LIPC: variants seen among roughly 807,000 people sequenced by gnomAD.
The protein encoded by LIPC is lipase C, hepatic type, also known as hepatic triacylglycerol lipase.
Under a neutral mutation model 50.7 loss-of-function variants are expected in LIPC, and 44 were observed. The ratio of observed to expected loss-of-function variants is 0.87; its 90% CI spans 0.68 to 1.11. The LOEUF (loss-of-function observed/expected upper bound fraction) is 1.11. LIPC is among the 50% of genes most tolerant of loss of function. The pLI, the probability that LIPC is intolerant of heterozygous loss-of-function variation, is 0.00. For missense variants in LIPC, 697 were observed against 648.2 expected (o/e 1.08, Z -0.82); for synonymous variants, 271 against 256.4 (o/e 1.06, Z -0.54).
chr15:58,513,755 T>C (rs1269430128), intron 1 of LIPC, among the ~76,000 whole-genome samples: 1 of 152,208 alleles, frequency 6.6e-6, no homozygotes, highest in East Asian at 1.9e-4. Context: ...CTGAGAATTC[T>C]GGAGAAACCC....
At chr15:58,453,686 A>G (rs1308508950) in intron 1 of LIPC, among the ~76,000 whole-genome samples, 1 of 151,294 alleles carries the variant, frequency 6.6e-6, no homozygotes, top group Non-Finnish European at 1.5e-5. Flanking sequence ...GGATTGCTTG[A>G]CCCCATGAGG....
chr15:58,542,148 T>G (rs1397368625), intron 3 of LIPC, among the ~76,000 whole-genome samples, 181 bp downstream of exon 3: 4 of 152,132 alleles, frequency 2.6e-5, no homozygotes, highest in East Asian at 1.9e-4. Context: ...ACGCCTCCCT[T>G]GAACCCCTGT....
intron 1 of LIPC, among the ~76,000 whole-genome samples, chr15:58,511,481 AT>A (rs1249108890): frequency 6.6e-6 from 1 of 152,230 alleles, no homozygotes; most frequent in African/African-American, 2.4e-5. Flanking sequence ...CTGCAGGAAC[AT>A]GAATGATAAA....
At chr15:58,497,224 A>AT (rs1891804568) in intron 1 of LIPC, among the ~76,000 whole-genome samples, 1 of 151,930 alleles carries the variant, frequency 6.6e-6, no homozygotes, top group African/African-American at 2.4e-5. Flanking sequence ...TTCATGCTTC[A>AT]CCCCCGACCG....
At chr15:58,490,216 A>G (rs1891537993) in intron 1 of LIPC, among the ~76,000 whole-genome samples, 1 of 152,194 alleles carries the variant, frequency 6.6e-6, no homozygotes, top group Non-Finnish European at 1.5e-5. Context: ...GGTCGGGAAG[A>G]TGGCAGGCAC....
At chr15:58,456,705 T>C (rs557126385) in intron 1 of LIPC, among the ~76,000 whole-genome samples, 1 of 152,378 alleles carries the variant, frequency 6.6e-6, no homozygotes, top group East Asian at 1.9e-4. Context: ...GGTAGATGTC[T>C]GGTCTCTCTT....
chr15:58,529,703 G>A (rs1002282015), intron 1 of LIPC, among the ~76,000 whole-genome samples: 8 of 152,156 alleles, frequency 5.3e-5, no homozygotes, highest in Non-Finnish European at 1.0e-4. Context: ...GAAGAGGGTC[G>A]GAACCTCTGT....
Position 58,560,990 on chromosome 15 carries a change from G to GGGGCTACACCTCCTACTC in LIPC, c.1169+9_1169+10insGGGCTACACCTCCTACTC. 1 of 1,193,280 alleles carries GGGGCTACACCTCCTACTC rather than the reference G, an allele frequency of 8.4e-7. No individual in the cohort carries two copies. The highest frequency in any genetic ancestry group is 1.2e-6 in the Non-Finnish European group (1 of 810,186). 73.9% of individuals were successfully genotyped at this position (1,193,280 alleles called of 1,614,324 possible). ...AAAATTCCCATCACTCTGTGAGTAG[G>GGGGCTACACCTCCTACTC]AGGTGTAGCCCCCTAGGGTGATGAC... is the stretch of plus-strand genomic sequence containing the variant. On this transcript the variant is annotated intron_variant, in intron 7 of 8. Transcript: ENST00000299022.
At chr15:58,488,265 CAATA>C (rs1403469158) in intron 1 of LIPC, among the ~76,000 whole-genome samples, 5 of 152,234 alleles carry the variant, frequency 3.3e-5, no homozygotes, top group South Asian at 4.1e-4. Context: ...GACTCCATCT[CAATA>C]AATAAAGTTA....
At chr15:58,474,312 G>A (rs71478668) in intron 1 of LIPC, among the ~76,000 whole-genome samples, 17,283 of 152,148 alleles carry the variant, frequency 0.11, 1,185 homozygotes, top group Non-Finnish European at 0.17. Context: ...GAGCCCAGAA[G>A]TTTGAGACCA....
At chr15:58,455,970 A>C (rs34225834) in intron 1 of LIPC, among the ~76,000 whole-genome samples, 17,528 of 152,172 alleles carry the variant, frequency 0.12, 1,231 homozygotes, top group Non-Finnish European at 0.17. Context: ...GGCATGGTCC[A>C]GACCCCAAGG....
chr15:58,489,222 GC>G (rs199866655), intron 1 of LIPC, among the ~76,000 whole-genome samples: 1,879 of 93,030 alleles, frequency 0.02, 523 homozygotes, highest in Non-Finnish European at 0.031. Context: ...TGTTGCGGGG[GC>G]GGGGGGGCGG....
intron 1 of LIPC, chr15:58,522,032 G>C (rs1321444111): frequency 2.6e-5 from 4 of 152,188 alleles, no homozygotes; most frequent in African/African-American, 9.7e-5. Flanking sequence ...GGGGCAGGTA[G>C]AGTTGGTGCT....
intron 1 of LIPC, among the ~76,000 whole-genome samples, chr15:58,484,408 G>C: frequency 6.6e-6 from 1 of 152,066 alleles, no homozygotes; most frequent in East Asian, 1.9e-4. Context: ...CATCATGGAG[G>C]GTGTATCCAG....
chr15:58,553,951 G>T (rs1893845487), intron 6 of LIPC, among the ~76,000 whole-genome samples: 1 of 151,508 alleles, frequency 6.6e-6, no homozygotes, highest in South Asian at 2.1e-4. Flanking sequence ...AAACACAAGA[G>T]GTCTCATTCC....
chr15:58,553,916 G>A (rs1246760231), intron 6 of LIPC, among the ~76,000 whole-genome samples: 2 of 151,856 alleles, frequency 1.3e-5, no homozygotes, highest in Admixed American at 6.6e-5. Context: ...TTCGGGTCTA[G>A]GAACAAGCCC....
chr15:58,486,950 G>A (rs1348148830), intron 1 of LIPC, among the ~76,000 whole-genome samples: 3 of 152,200 alleles, frequency 2.0e-5, no homozygotes, highest in Admixed American at 6.5e-5. Context: ...CACCTGGTGA[G>A]CACGGGCCCA....
At chr15:58,544,120 C>G (rs1355062877) in intron 4 of LIPC, among the ~76,000 whole-genome samples, 7 of 152,138 alleles carry the variant, frequency 4.6e-5, no homozygotes, top group African/African-American at 1.7e-4. Context: ...GGCGTGTGGC[C>G]CCCATGGATT....
chr15:58,537,430 T>G (rs1893164217), intron 1 of LIPC, among the ~76,000 whole-genome samples: 1 of 152,166 alleles, frequency 6.6e-6, no homozygotes, highest in South Asian at 2.1e-4. Flanking sequence ...CTTTTCCACC[T>G]CCCACGGCCT....
Sources: gnomAD v4.1 joint callset for allele counts (sites outside exome capture counted in the v4.1 genomes callset) on GRCh38, gnomAD v4.1.1 for gene constraint, MANE v1.5 for transcripts, NCBI Gene and HGNC (gene_info 2026-07-23, HGNC 2026-07-21) for gene names.